CRYBB3: variants seen among roughly 807,000 people sequenced by gnomAD.
CRYBB3 encodes beta-crystallin B3.
In CRYBB3, 35 loss-of-function variants were observed where a neutral mutation model predicts 28.3. The observed-to-expected ratio is 1.24, with a 90% CI of 0.95 to 1.64. The LOEUF (loss-of-function observed/expected upper bound fraction) is 1.64, where lower values mean the gene tolerates loss of function less well. Ranked by LOEUF, CRYBB3 falls within the 40% of genes most tolerant of loss-of-function variation. The pLI, the probability that CRYBB3 is intolerant of heterozygous loss-of-function variation, is 0.00. For missense variants in CRYBB3, 296 were observed against 297.4 expected (o/e 1.00, Z 0.04); for synonymous variants, 106 against 110.4 (o/e 0.96, Z 0.25).
intron 2 of CRYBB3, among the ~76,000 whole-genome samples, 199 bp downstream of exon 2, chr22:25,201,670 G>A (rs544783292): frequency 4.8e-4 from 73 of 152,206 alleles, no homozygotes; most frequent in African/African-American, 1.7e-3. Flanking sequence ...ATCTTCCCTC[G>A]TCTGCAAAAC....
Position 25,205,371 on chromosome 22 carries a change from C to A in CRYBB3, c.470+9C>A. On this transcript the variant is annotated intron_variant, in intron 5 of 5. Coordinates refer to ENST00000215855, the MANE Select transcript of CRYBB3 (RefSeq NM_004076.5). Reference sequence around the variant, plus strand: ...CGTGCCATCAACGGGACGTAAGGGACCCAACCCTCACCCTTGCCCCATCTT... The same window carrying A: ...CGTGCCATCAACGGGACGTAAGGGAACCAACCCTCACCCTTGCCCCATCTT... The A allele has an allele frequency of 6.2e-7, 1 of 1,613,908 alleles. No individual in the cohort carries two copies. The highest frequency in any genetic ancestry group is 8.5e-7 in the Non-Finnish European group (1 of 1,179,896).
rs768927719 is a variant in CRYBB3, at chr22:25,207,224, A to G, written c.*12A>G. On this transcript the variant is annotated 3_prime_UTR_variant, in exon 6 of 6. Transcript: ENST00000215855. Reference sequence around the variant, plus strand: ...TCCCCAGCAGCTGAAAGGCACCCAGACTTCAAGGACCCAGACCCACCCTGG... The same window carrying G: ...TCCCCAGCAGCTGAAAGGCACCCAGGCTTCAAGGACCCAGACCCACCCTGG... 10 of 1,610,546 alleles carry G rather than the reference A, an allele frequency of 6.2e-6. No individual in the cohort carries two copies. Among genetic ancestry groups the G allele is most frequent in the Non-Finnish European group, 8.5e-6 (10 of 1,178,816 alleles).
chr22:25,201,656 C>A (rs1368981750), intron 2 of CRYBB3, among the ~76,000 whole-genome samples, 185 bp downstream of exon 2: 2 of 152,214 alleles, frequency 1.3e-5, no homozygotes, highest in Non-Finnish European at 2.9e-5. Context: ...CATGACTTTG[C>A]TGCATCTTCC....
rs1489486263 is a variant in CRYBB3 at position 25,202,807 on chromosome 22, C to T, written c.194+15C>T. On this transcript the variant is annotated intron_variant, in intron 3 of 5. Transcript: ENST00000215855. ...GAGTCCGGGCCGTGAGTACCTAGAC[C>T]CCCAGTCCCTCGCCACAGCCCTGAG... 6 of 1,613,088 alleles carry T rather than the reference C, an allele frequency of 3.7e-6. No homozygotes were observed. The highest frequency in any genetic ancestry group is 1.7e-5 in the Admixed American group (1 of 59,988).
At chr22:25,205,706 G>A (rs1180933880) in intron 5 of CRYBB3, among the ~76,000 whole-genome samples, 1 of 152,080 alleles carries the variant, frequency 6.6e-6, no homozygotes, top group South Asian at 2.1e-4. Flanking sequence ...TGATCTGCCC[G>A]CCTCGGCCTC....
At chr22:25,205,106 T>G in intron 4 of CRYBB3, 114 bp from the exon 5 acceptor site, 5 of 1,392,900 alleles carry the variant, frequency 3.6e-6, no homozygotes, top group Non-Finnish European at 5.0e-6. Flanking sequence ...TGCAGCAGGT[T>G]TGGGGGTGGG....
At chr22:25,200,248 G>C (rs1334048463) in intron 1 of CRYBB3, among the ~76,000 whole-genome samples, 1 of 152,124 alleles carries the variant, frequency 6.6e-6, no homozygotes, top group Non-Finnish European at 1.5e-5. Context: ...TTCCTGCTGA[G>C]GCTAGGAGAG....
At chr22:25,201,325 C>T in intron 1 of CRYBB3, 52 bp from the exon 2 acceptor site, 1 of 1,602,982 alleles carries the variant, frequency 6.2e-7, no homozygotes, top group Non-Finnish European at 8.5e-7. Context: ...GTCACATCAA[C>T]ACCTGGCTTC....
chr22:25,202,662 C>G lies in CRYBB3; in HGVS notation c.76-12C>G. On this transcript the variant is annotated splice_polypyrimidine_tract_variant and intron_variant, in intron 2 of 5. Transcript: ENST00000215855. ...TAGCAGAGGTGGGATGTTTAGGACT[C>G]TGCTCTTCTAGGTGATCTTGTACGA... 6.2e-7 allele frequency: 1 copy of G among 1,613,650 alleles called. No individual in the cohort carries two copies. The highest frequency in any genetic ancestry group is 8.5e-7 in the Non-Finnish European group (1 of 1,179,814).
rs147937174 is a variant in CRYBB3 at position 25,207,160 on chromosome 22, G to T, written c.584G>T (p.Arg195Leu). The stretch of plus-strand genomic sequence containing the variant: ...AGCCAGCCGCAGCTGCAGTCTGTGC[G>T]CCGCATCCGTGACCAGAAGTGGCAC... Reference protein sequence around the residue: ...DASQPQLQSVRRIRDQKWHKR... With the variant: ...DASQPQLQSVLRIRDQKWHKR... The change falls in exon 6 of 6, where the codon CGC becomes CTC. Residue 195 changes from arginine (R) to leucine (L), a missense_variant. Transcript: ENST00000215855. 1.2e-6 allele frequency: 2 copies of T among 1,613,504 alleles called. No homozygotes were observed. The highest frequency in any genetic ancestry group is 2.2e-5 in the East Asian group (1 of 44,878).
At chr22:25,202,516 A>G (rs1934965296) in intron 2 of CRYBB3, among the ~76,000 whole-genome samples, 158 bp from the exon 3 acceptor site, 1 of 152,162 alleles carries the variant, frequency 6.6e-6, no homozygotes, top group Admixed American at 6.5e-5. Flanking sequence ...GTTTCCCTCC[A>G]TGACCATTAG....
intron 4 of CRYBB3, 136 bp downstream of exon 4, chr22:25,204,031 C>T (rs1934991801): frequency 9.3e-7 from 1 of 1,072,928 alleles, no homozygotes; most frequent in Non-Finnish European, 1.4e-6. Flanking sequence ...CCTCATGTTT[C>T]TGATTTGAAC....
chr22:25,201,355 A>G (rs1271418425), intron 1 of CRYBB3, 22 bp from the exon 2 acceptor site: 1 of 1,610,826 alleles, frequency 6.2e-7, no homozygotes, highest in African/African-American at 1.3e-5. Flanking sequence ...GATCCAGTGA[A>G]CCATTTTCTT....
intron 4 of CRYBB3, among the ~76,000 whole-genome samples, chr22:25,204,704 C>A (rs1415789371): frequency 1.3e-5 from 2 of 152,200 alleles, no homozygotes; most frequent in African/African-American, 4.8e-5. Context: ...AGGCCTGAGC[C>A]ACCACGCCCG....
intron 5 of CRYBB3, among the ~76,000 whole-genome samples, chr22:25,206,775 G>T (rs573565074): frequency 6.6e-6 from 1 of 152,202 alleles, no homozygotes; most frequent in South Asian, 2.1e-4. Flanking sequence ...CAGGCAGAAG[G>T]AATCATGCAT....
rs113872601 is a variant in CRYBB3, at chr22:25,203,855, G to A, written c.287G>A (p.Arg96His). ...YPRWDAWSNS[R>H]DSDSLLSLRP... ...CGCTGGGATGCCTGGTCCAACAGCC[G>A]TGATAGTGACAGCCTTCTGTCCCTC... Residue 96 changes from arginine (R) to histidine (H), a missense_variant, in exon 4 of 6, where the codon CGT becomes CAT. By Grantham distance (29) the Arg-to-His change is conservative. Coordinates refer to ENST00000215855, the MANE Select transcript of CRYBB3 (RefSeq NM_004076.5). 4.4e-5 allele frequency: 71 copies of A among 1,614,180 alleles called. No homozygotes were observed. Among genetic ancestry groups the A allele is most frequent in the South Asian group, 2.4e-4 (22 of 91,090 alleles).
At chr22:25,205,661 G>A (rs942670141) in intron 5 of CRYBB3, among the ~76,000 whole-genome samples, 9 of 152,092 alleles carry the variant, frequency 5.9e-5, no homozygotes, top group East Asian at 3.9e-4. Flanking sequence ...GGGTTTCACC[G>A]TGTTAGCCAG....
intron 2 of CRYBB3, among the ~76,000 whole-genome samples, 177 bp from the exon 3 acceptor site, chr22:25,202,496 TC>T (rs1326082990): frequency 6.6e-6 from 1 of 152,170 alleles, no homozygotes; most frequent in African/African-American, 2.4e-5. Flanking sequence ...TCATTGAAGT[TC>T]CTGAAGGCGT....
At position 25,205,230 on chromosome 22, in the gene CRYBB3, A is replaced by G. The variant is rs1164892595; in HGVS notation, c.338A>G (p.His113Arg). ...CGATATTGCCCTCAGGATAGTCCACATCACAAGCTGCATCTGTTTGAGAAC... is the reference window on the plus strand; with the variant it reads ...CGATATTGCCCTCAGGATAGTCCACGTCACAAGCTGCATCTGTTTGAGAAC... ...SLRPLNIDSPHHKLHLFENPA... is the reference protein window; with the variant it reads ...SLRPLNIDSPRHKLHLFENPA... Residue 113 changes from histidine to arginine, a missense_variant, in exon 5 of 6, where the codon CAT becomes CGT. His to Arg is a conservative substitution (Grantham distance 29, BLOSUM62 0). Coordinates refer to ENST00000215855, the MANE Select transcript of CRYBB3 (RefSeq NM_004076.5). 6.2e-7 allele frequency: 1 copy of G among 1,613,916 alleles called. No individual in the cohort carries two copies.
Sources: allele counts gnomAD v4.1 joint callset (sites outside exome capture counted in the v4.1 genomes callset), GRCh38; gene constraint gnomAD v4.1.1; transcripts MANE v1.5; gene names NCBI Gene and HGNC (gene_info 2026-07-23, HGNC 2026-07-21).